SIPA1L1: variants seen among roughly 807,000 people sequenced by gnomAD.
The protein encoded by SIPA1L1 is signal induced proliferation associated 1 like 1.
A neutral mutation model predicts 162.7 loss-of-function variants in SIPA1L1; 26 were observed. The ratio of observed to expected loss-of-function variants is 0.16; its 90% CI spans 0.12 to 0.22. The LOEUF is 0.22. Ranked by LOEUF, SIPA1L1 falls within the 10% of genes least tolerant of loss-of-function variation. The pLI is 1.00. For synonymous variants in SIPA1L1, 829 were observed against 837.4 expected, an observed-to-expected ratio of 0.99 and a Z score of 0.17; for missense variants, 1,874 against 2,241.0, an observed-to-expected ratio of 0.84 and a Z score of 3.31.
At chr14:71,595,299 C>G (rs896236940) in intron 5 of SIPA1L1, among the ~76,000 whole-genome samples, 2 of 152,070 alleles carry the variant, frequency 1.3e-5, no homozygotes, top group African/African-American at 4.8e-5. Flanking sequence ...TTCATCAGCC[C>G]CTTTAGAAAG....
chr14:71,435,624 C>G (rs551439607), intron 2 of SIPA1L1, among the ~76,000 whole-genome samples: 1 of 152,148 alleles, frequency 6.6e-6, no homozygotes, highest in Admixed American at 6.5e-5. Context: ...TGGATAGTGC[C>G]GCAATAAACA....
chr14:71,497,927 G>A (rs2049915970), intron 2 of SIPA1L1: 2 of 152,168 alleles, frequency 1.3e-5, no homozygotes, highest in South Asian at 2.1e-4. Context: ...CCACTTTCAC[G>A]AGTGACTGTA....
intron 4 of SIPA1L1, among the ~76,000 whole-genome samples, chr14:71,541,428 G>A (rs1048143024): frequency 5.9e-5 from 9 of 151,604 alleles, no homozygotes; most frequent in African/African-American, 2.2e-4. Context: ...CATTCAAAGA[G>A]CAGGAAACAG....
intron 13 of SIPA1L1, among the ~76,000 whole-genome samples, chr14:71,694,420 C>T (rs2081475063): frequency 6.6e-6 from 1 of 151,730 alleles, no homozygotes. Flanking sequence ...TAAGTGTAGT[C>T]AAAAGACTGT....
At chr14:71,448,923 A>G (rs764084992) in intron 2 of SIPA1L1, 3 of 152,368 alleles carry the variant, frequency 2.0e-5, no homozygotes, top group Non-Finnish European at 2.9e-5. Flanking sequence ...TAGCTGCTAC[A>G]CTCCAGCCTG....
intron 10 of SIPA1L1, 91 bp downstream of exon 10, chr14:71,661,558 G>A: frequency 7.5e-7 from 1 of 1,341,686 alleles, no homozygotes; most frequent in Non-Finnish European, 1.0e-6. Context: ...AAGTGGCAAT[G>A]GGAAGTCTAT....
chr14:71,323,360 A>G lies in SIPA1L1; in HGVS notation c.-465+2179A>G, dbSNP rs145477430. Among the ~76,000 whole-genome samples the G allele has an allele frequency of 4.5e-4, 69 of 152,300 alleles. 1 individual carries two copies. Among genetic ancestry groups the G allele is most frequent in the Admixed American group, 3.8e-3 (58 of 15,298 alleles). On this transcript the variant is annotated intron_variant, in intron 2 of 23. Coordinates refer to ENST00000381232, the MANE Select transcript of SIPA1L1 (RefSeq NM_001386936.1). ...TCTGTTTGAGCTGTGAAATGGGAGC[A>G]TGAGGAGAGCTGAAATGGTATGAGA...
At chr14:71,538,789 C>T (rs946551940) in intron 4 of SIPA1L1, among the ~76,000 whole-genome samples, 1 of 151,806 alleles carries the variant, frequency 6.6e-6, no homozygotes, top group Non-Finnish European at 1.5e-5. Context: ...CAAAGTAGTC[C>T]CATTTCTGTT....
chr14:71,612,138 A>G (rs2038293947), intron 5 of SIPA1L1, among the ~76,000 whole-genome samples: 1 of 152,186 alleles, frequency 6.6e-6, no homozygotes. Flanking sequence ...ACATTGACTT[A>G]TGGTGTTTTT....
chr14:71,630,966 G>A (rs1267780675), intron 7 of SIPA1L1, among the ~76,000 whole-genome samples: 1 of 152,002 alleles, frequency 6.6e-6, no homozygotes, highest in East Asian at 1.9e-4. Context: ...TTGGTTTGCT[G>A]CACCTATCAA....
At position 71,377,940 on chromosome 14, in the gene SIPA1L1, C is replaced by T. The variant is rs564988634; in HGVS notation, c.-465+56759C>T. Among the ~76,000 whole-genome samples, 222 of 152,196 alleles carry T rather than the reference C, an allele frequency of 1.5e-3. No homozygotes were observed. Among genetic ancestry groups the T allele is most frequent in the African/African-American group, 4.6e-3 (192 of 41,516 alleles). ...AGATCGCAGCAGTACAGTCCAGCCT[C>T]GGCAACCGAGGGAGACCGTGGAAAG... On this transcript the variant is annotated intron_variant, in intron 2 of 23. Coordinates refer to ENST00000381232, the MANE Select transcript of SIPA1L1 (RefSeq NM_001386936.1). This position sits in a 1 kb window ranked among gnomAD's most constrained non-coding sequence, Gnocchi z 4.8.
rs568360024 is a variant in SIPA1L1 at position 71,335,037 on chromosome 14, C to A, written c.-465+13856C>A. On this transcript the variant is annotated intron_variant, in intron 2 of 23. Transcript: ENST00000381232. Reference sequence around the variant, plus strand: ...TGTCTTGGCTGGGCGTGGTGGCTCACGCCTGTAATCCCAAGCGCTTTGGGA... The same window carrying A: ...TGTCTTGGCTGGGCGTGGTGGCTCAAGCCTGTAATCCCAAGCGCTTTGGGA... Among the ~76,000 whole-genome samples, 6 of 152,316 alleles carry A rather than the reference C, an allele frequency of 3.9e-5. No individual in the cohort carries two copies. The South Asian group carries it at 1.2e-3, about 32-fold the overall frequency.
chr14:71,688,903 A>G (rs1211103185), intron 13 of SIPA1L1, among the ~76,000 whole-genome samples: 1 of 152,196 alleles, frequency 6.6e-6, no homozygotes, highest in Admixed American at 6.5e-5. Context: ...GTGTTTAACC[A>G]TAGAGAAACC....
At chr14:71,586,361 C>T (rs946470188) in intron 4 of SIPA1L1, 1 of 152,018 alleles carries the variant, frequency 6.6e-6, no homozygotes, top group Non-Finnish European at 1.5e-5. Context: ...TAGGGAGATG[C>T]TTAATTATCG....
intron 13 of SIPA1L1, among the ~76,000 whole-genome samples, chr14:71,697,253 G>A (rs1566674986): frequency 6.6e-6 from 1 of 152,278 alleles, no homozygotes; most frequent in East Asian, 1.9e-4. Flanking sequence ...GAAATCAGAA[G>A]CCCCTCAGCA....
chr14:71,459,801 G>A (rs1459382759), intron 2 of SIPA1L1, among the ~76,000 whole-genome samples: 1 of 152,096 alleles, frequency 6.6e-6, no homozygotes. Context: ...GATATACACA[G>A]CATGACTACT....
chr14:71,335,765 C>T (rs907605124), intron 2 of SIPA1L1, among the ~76,000 whole-genome samples: 8 of 152,110 alleles, frequency 5.3e-5, no homozygotes, highest in Admixed American at 1.3e-4. Context: ...TTTACCCATC[C>T]GCTTAATAAT....
intron 2 of SIPA1L1, chr14:71,321,508 G>C (rs996787574): frequency 6.6e-6 from 1 of 152,308 alleles, no homozygotes; most frequent in Non-Finnish European, 1.5e-5. Flanking sequence ...GCCACCTGGC[G>C]ACCCTTCCCC....
At chr14:71,520,606 G>A (rs2052233554) in intron 3 of SIPA1L1, among the ~76,000 whole-genome samples, 1 of 152,134 alleles carries the variant, frequency 6.6e-6, no homozygotes, top group South Asian at 2.1e-4. Context: ...TCTGTAAACG[G>A]AATTAGGTAG....
Sources: gnomAD v4.1 joint callset for allele counts (sites outside exome capture counted in the v4.1 genomes callset) on GRCh38, gnomAD v4.1.1 for gene constraint, Gnocchi (gnomAD v3.1) non-coding constraint, MANE v1.5 for transcripts, NCBI Gene and HGNC (gene_info 2026-07-23, HGNC 2026-07-21) for gene names.